PPME1: variants seen among roughly 807,000 people sequenced by gnomAD.
PPME1 encodes the protein testicular secretory protein Li 39.
Under a neutral mutation model 56.9 loss-of-function variants are expected in PPME1, and 17 were observed. That is an observed-to-expected ratio of 0.30 (90% CI 0.20 to 0.45). The LOEUF (loss-of-function observed/expected upper bound fraction) is 0.45, where lower values mean the gene tolerates loss of function less well. Among genes scored for constraint, PPME1 ranks in the 20% least tolerant of loss-of-function variants. The probability of loss-of-function intolerance (pLI) is 1.00; values close to 1 mark genes in which losing one functional copy is unlikely to be tolerated. For synonymous variants in PPME1, 122 were observed against 156.2 expected (o/e 0.78, Z 1.63); for missense variants, 357 against 483.2 (o/e 0.74, Z 2.45).
Position 74,198,460 on chromosome 11 carries a change from T to C in PPME1, c.102-5268T>C, listed in dbSNP as rs1011355294. Among the ~76,000 whole-genome samples, 2 of 152,148 alleles carry C rather than the reference T, an allele frequency of 1.3e-5. 1 individual carries two copies. The highest frequency in any genetic ancestry group is 2.9e-5 in the Non-Finnish European group (2 of 68,010). ...ATTTTATCGACTCTTCATTTTCTTT[T>C]CTTGTTTGTTTGATTTTTGGAGACA... On this transcript the variant is annotated intron_variant, in intron 1 of 13. Transcript: ENST00000328257.
chr11:74,245,042 C>T (rs1397423310), intron 9 of PPME1, among the ~76,000 whole-genome samples: 1 of 152,108 alleles, frequency 6.6e-6, no homozygotes, highest in South Asian at 2.1e-4. Context: ...GCTCTCTATT[C>T]TATTCCACTG....
chr11:74,229,345 T>C (rs1859011319), intron 5 of PPME1, among the ~76,000 whole-genome samples: 1 of 152,258 alleles, frequency 6.6e-6, no homozygotes, highest in South Asian at 2.1e-4. Context: ...TATATATATA[T>C]AATAAGGCAG....
chr11:74,187,621 T>G (rs778184458), intron 1 of PPME1, among the ~76,000 whole-genome samples: 16 of 152,188 alleles, frequency 1.1e-4, no homozygotes, highest in Non-Finnish European at 1.9e-4. Flanking sequence ...GTTCCTGTGG[T>G]TTTTTTAGTG....
intron 8 of PPME1, chr11:74,238,919 T>G: frequency 2.1e-6 from 1 of 478,034 alleles, no homozygotes; most frequent in South Asian, 2.8e-5. Context: ...TGGGTCAGTA[T>G]TGGTGCAAGA....
intron 5 of PPME1, among the ~76,000 whole-genome samples, chr11:74,226,309 T>C (rs1858930462): frequency 6.6e-6 from 1 of 152,204 alleles, no homozygotes; most frequent in South Asian, 2.1e-4. Flanking sequence ...CTGGCTCATA[T>C]AGGTTGAATA....
chr11:74,241,298 A>G (rs1211201876), intron 9 of PPME1, among the ~76,000 whole-genome samples: 1 of 152,232 alleles, frequency 6.6e-6, no homozygotes, highest in Non-Finnish European at 1.5e-5. Flanking sequence ...GTTCATCCAT[A>G]TTGTAGCACG....
intron 3 of PPME1, chr11:74,205,696 T>G (rs1007023269): frequency 6.6e-6 from 1 of 152,244 alleles, no homozygotes; most frequent in African/African-American, 2.4e-5. Flanking sequence ...TTGAAATAGT[T>G]CTTTAAACAT....
chr11:74,191,333 C>T (rs976497182), intron 1 of PPME1, among the ~76,000 whole-genome samples: 1 of 152,146 alleles, frequency 6.6e-6, no homozygotes, highest in Admixed American at 6.5e-5. Flanking sequence ...GAGTGAAACC[C>T]TGTCTGAAGA....
intron 5 of PPME1, 40 bp downstream of exon 5, chr11:74,225,296 A>G (rs1858906364): frequency 7.4e-7 from 1 of 1,357,332 alleles, no homozygotes; most frequent in Non-Finnish European, 1.0e-6. Context: ...CCTGTCTCCC[A>G]TCACTATTAT....
At chr11:74,201,193 T>A (rs1858154719) in intron 1 of PPME1, among the ~76,000 whole-genome samples, 1 of 152,070 alleles carries the variant, frequency 6.6e-6, no homozygotes, top group Non-Finnish European at 1.5e-5. Context: ...GCCAGGATGG[T>A]CTCGATCTCC....
chr11:74,233,811 G>T (rs1859126576), intron 7 of PPME1, among the ~76,000 whole-genome samples: 1 of 152,176 alleles, frequency 6.6e-6, no homozygotes, highest in Non-Finnish European at 1.5e-5. Context: ...AACAGAGTGA[G>T]ACCTTGTCTC....
intron 8 of PPME1, 111 bp from the exon 9 acceptor site, chr11:74,239,022 T>G (rs1046424616): frequency 9.4e-7 from 1 of 1,061,474 alleles, no homozygotes; most frequent in Admixed American, 2.7e-5. Flanking sequence ...CCAGGATGAT[T>G]GTTAAGTTTT....
chr11:74,244,899 T>C (rs531612648), intron 9 of PPME1, among the ~76,000 whole-genome samples: 1 of 152,334 alleles, frequency 6.6e-6, no homozygotes, highest in East Asian at 1.9e-4. Flanking sequence ...AGGCCCCAGC[T>C]TCACTTTGGA....
intron 9 of PPME1, among the ~76,000 whole-genome samples, chr11:74,242,087 A>G (rs538970673): frequency 1.3e-5 from 2 of 152,188 alleles, no homozygotes; most frequent in South Asian, 4.1e-4. Context: ...TCTTCTAAGA[A>G]TTTTCTTGTT....
intron 1 of PPME1, among the ~76,000 whole-genome samples, chr11:74,179,997 T>C (rs943437678): frequency 6.6e-6 from 1 of 152,160 alleles, no homozygotes; most frequent in Non-Finnish European, 1.5e-5. Flanking sequence ...CATCAATAAC[T>C]CTCTTAACAG....
intron 11 of PPME1, 106 bp downstream of exon 11, chr11:74,247,229 A>G (rs1433497786): frequency 1.0e-6 from 1 of 999,838 alleles, no homozygotes; most frequent in African/African-American, 1.6e-5. Flanking sequence ...CATGAGCTTT[A>G]GAGTCCGACC....
intron 1 of PPME1, among the ~76,000 whole-genome samples, chr11:74,196,765 C>T (rs1054307991): frequency 1.3e-5 from 2 of 152,152 alleles, no homozygotes; most frequent in South Asian, 2.1e-4. Context: ...TGTTCTGCTA[C>T]AAGGGTTTGT....
intron 1 of PPME1, 132 bp downstream of exon 1, chr11:74,171,654 A>G: frequency 8.3e-7 from 1 of 1,209,550 alleles, no homozygotes; most frequent in South Asian, 1.7e-5. Flanking sequence ...GGAGATATTT[A>G]GATGGAGTAG....
At chr11:74,173,855 A>T (rs183765528) in intron 1 of PPME1, among the ~76,000 whole-genome samples, 143 of 152,278 alleles carry the variant, frequency 9.4e-4, no homozygotes, top group African/African-American at 3.2e-3. Context: ...TTACCTTTTT[A>T]AAAAGATGCT....
Sources: gnomAD v4.1 joint callset for allele counts (sites outside exome capture counted in the v4.1 genomes callset) on GRCh38, gnomAD v4.1.1 for gene constraint, MANE v1.5 for transcripts, NCBI Gene and HGNC (gene_info 2026-07-23, HGNC 2026-07-21) for gene names.